Variants in KIF26B observed in about 807,000 individuals in gnomAD.
KIF26B encodes the protein kinesin-like protein KIF26B.
Under a neutral mutation model 151.2 loss-of-function variants are expected in KIF26B, and 63 were observed. That is an observed-to-expected ratio of 0.42 (90% CI 0.34 to 0.51). The LOEUF (loss-of-function observed/expected upper bound fraction) is 0.51, where lower values mean the gene tolerates loss of function less well. KIF26B is among the 20% of genes least tolerant of loss of function. The probability of loss-of-function intolerance (pLI) is 0.07; values close to 1 mark genes in which losing one functional copy is unlikely to be tolerated. For missense variants in KIF26B, 2,813 were observed against 2,913.6 expected (o/e 0.97, Z 0.79); for synonymous variants, 1,357 against 1,262.1 (o/e 1.08, Z -1.59).
Position 245,540,525 on chromosome 1 carries a change from C to A in KIF26B, c.1167-242C>A, listed in dbSNP as rs113641701. ...GGATAACACATCATTCTTTGTAAAT[C>A]GTGATTGCAGAATCCTGCTATTTTA... On this transcript the variant is annotated intron_variant, in intron 4 of 14. Coordinates refer to ENST00000407071, the MANE Select transcript of KIF26B (RefSeq NM_018012.4). The surrounding 1 kb of genome is among the most constrained non-coding windows in gnomAD (Gnocchi z 4.6). The A allele has an allele frequency of 1.6e-3, 1,112 of 687,908 alleles. 4 individuals carry two copies. Among genetic ancestry groups the A allele is most frequent in the Non-Finnish European group, 1.5e-3 (546 of 375,820 alleles). 42.6% of individuals were successfully genotyped at this position (687,908 alleles called of 1,614,324 possible).
At chr1:245,524,182 G>A (rs1661188503) in intron 4 of KIF26B, among the ~76,000 whole-genome samples, 2 of 152,176 alleles carry the variant, frequency 1.3e-5, no homozygotes, top group Admixed American at 6.5e-5. Context: ...GATCACAAAG[G>A]AGTAAAAGAT....
At chr1:245,629,201 C>T (rs1018806700) in intron 9 of KIF26B, among the ~76,000 whole-genome samples, 2 of 152,026 alleles carry the variant, frequency 1.3e-5, no homozygotes, top group Non-Finnish European at 2.9e-5. Flanking sequence ...AGTGCTATTC[C>T]CATCAAACTA....
intron 2 of KIF26B, among the ~76,000 whole-genome samples, chr1:245,252,457 G>A (rs185852352): frequency 3.9e-5 from 6 of 152,142 alleles, no homozygotes; most frequent in African/African-American, 1.4e-4. Context: ...ATTTGTTACT[G>A]TGAATGGATT....
At chr1:245,427,264 G>A (rs1312651774) in intron 4 of KIF26B, among the ~76,000 whole-genome samples, 1 of 152,146 alleles carries the variant, frequency 6.6e-6, no homozygotes, top group Non-Finnish European at 1.5e-5. Context: ...TCACAACTTG[G>A]AACAGTTAAT....
At chr1:245,249,527 G>A (rs990716485) in intron 2 of KIF26B, among the ~76,000 whole-genome samples, 11 of 123,184 alleles carry the variant, frequency 8.9e-5, no homozygotes, top group African/African-American at 2.2e-4. Context: ...TCACCTTGTC[G>A]CCTAGGCCGG....
At chr1:245,247,538 AGAAGAG>A (rs1199159333) in intron 2 of KIF26B, among the ~76,000 whole-genome samples, 1 of 152,242 alleles carries the variant, frequency 6.6e-6, no homozygotes, top group Non-Finnish European at 1.5e-5. Flanking sequence ...GCTAACGAAG[AGAAGAG>A]GCTGACATTC....
chr1:245,222,161 G>A (rs561676986), intron 2 of KIF26B, among the ~76,000 whole-genome samples: 66 of 152,184 alleles, frequency 4.3e-4, no homozygotes, highest in Admixed American at 9.2e-4. Context: ...GGTCTGGGCC[G>A]GGCCTGGTGG....
At chr1:245,469,583 A>G (rs1037136964) in intron 4 of KIF26B, among the ~76,000 whole-genome samples, 16 of 152,178 alleles carry the variant, frequency 1.1e-4, no homozygotes, top group African/African-American at 3.4e-4. Context: ...GGACGAAACC[A>G]TGCTTTCTGT....
rs1271723550 is a variant in KIF26B, at chr1:245,688,231, G to T, written c.5248G>T (p.Ala1750Ser). The T allele has an allele frequency of 6.3e-7, 1 of 1,588,138 alleles. No individual in the cohort carries two copies. The highest frequency in any genetic ancestry group is 1.3e-5 in the African/African-American group (1 of 74,620). ...CAGCCCCAGAGCGCGCGGCCCGTCC[G>T]CCTCCACCACCAAAACCCTCAGCTT... is the stretch of plus-strand genomic sequence containing the variant. Reference protein sequence around the residue: ...LASPRARGPSASTTKTLSFST... With the variant: ...LASPRARGPSSSTTKTLSFST... The change falls in exon 12 of 15, where the codon GCC becomes TCC. Residue 1750 changes from alanine to serine, a missense_variant. This residue lies in a region of KIF26B where 2,060 missense variants were observed against 2,088.6 expected (regional missense o/e 0.99). Coordinates refer to ENST00000407071, the MANE Select transcript of KIF26B (RefSeq NM_018012.4).
At chr1:245,157,167 A>G (rs1027502213) in intron 2 of KIF26B, among the ~76,000 whole-genome samples, 1 of 152,242 alleles carries the variant, frequency 6.6e-6, no homozygotes, top group Admixed American at 6.5e-5. Flanking sequence ...CTCGAAAGCC[A>G]GCATTTTCCC....
At chr1:245,447,700 A>C (rs554380594) in intron 4 of KIF26B, among the ~76,000 whole-genome samples, 1 of 152,248 alleles carries the variant, frequency 6.6e-6, no homozygotes, top group African/African-American at 2.4e-5. Flanking sequence ...TCCGTTTACT[A>C]TTGTCCCAAC....
rs921091229 is a variant in KIF26B, at chr1:245,367,855, G to A, written c.999+488G>A. 1.4e-4 allele frequency among the ~76,000 whole-genome samples: 21 copies of A among 152,228 alleles called. No individual in the cohort carries two copies. Among genetic ancestry groups the A allele is most frequent in the African/African-American group, 5.1e-4 (21 of 41,458 alleles). The stretch of plus-strand genomic sequence containing the variant: ...AGTCACGAGAATTAAATAAGGTAGT[G>A]TTTGCATGACATGTAGGCCAACACC... On this transcript the variant is annotated intron_variant, in intron 3 of 14. Transcript: ENST00000407071. This position sits in a 1 kb window ranked among gnomAD's most constrained non-coding sequence, Gnocchi z 4.2.
intron 2 of KIF26B, among the ~76,000 whole-genome samples, chr1:245,168,910 C>A (rs1457298722): frequency 6.6e-6 from 1 of 152,164 alleles, no homozygotes; most frequent in African/African-American, 2.4e-5. Context: ...AATCATTTAG[C>A]CAAGGTTGCC....
Position 245,686,261 on chromosome 1 carries a change from C to T in KIF26B, c.3278C>T (p.Thr1093Ile). 1.2e-6 allele frequency: 2 copies of T among 1,612,884 alleles called. No individual in the cohort carries two copies. The highest frequency in any genetic ancestry group is 8.5e-7 in the Non-Finnish European group (1 of 1,179,884). ...CCTTCCCAGAGATGCAAAGTCTACA[C>T]CCAGAAGGGGGTCCTGCCGTCTCCC... is the stretch of plus-strand genomic sequence containing the variant. ...SSPSQRCKVY[T>I]QKGVLPSPAP... The change falls in exon 12 of 15, where the codon ACC becomes ATC. Residue 1093 changes from threonine (T) to isoleucine (I), a missense_variant. Around this residue, in one of 3 missense-constraint regions of KIF26B, gnomAD observed 2,060 missense variants for 2,088.6 expected, o/e 0.99. Transcript: ENST00000407071. The surrounding 1 kb of genome is among the most constrained non-coding windows in gnomAD (Gnocchi z 5.6).
intron 5 of KIF26B, among the ~76,000 whole-genome samples, chr1:245,556,390 C>CCTCCTTCTT (rs1558213215): frequency 2.9e-5 from 4 of 138,794 alleles, no homozygotes; most frequent in African/African-American, 9.0e-5. Context: ...TCTTCTTCTT[C>CCTCCTTCTT]CTTCTTTCTT....
At position 245,232,876 on chromosome 1, in the gene KIF26B, G is replaced by A. The variant is rs60392501; in HGVS notation, c.465+76193G>A. Among the ~76,000 whole-genome samples, 470 of 152,260 alleles carry A rather than the reference G, an allele frequency of 3.1e-3. 2 individuals carry two copies. The highest frequency in any genetic ancestry group is 0.011 in the African/African-American group (456 of 41,552). On this transcript the variant is annotated intron_variant, in intron 2 of 14. Coordinates refer to ENST00000407071, the MANE Select transcript of KIF26B (RefSeq NM_018012.4). ...TTTCCTTCCTTTCCTCCAAAGTCACGTTGCACATCAATATGTGATTTGGCA... is the reference window on the plus strand; with the variant it reads ...TTTCCTTCCTTTCCTCCAAAGTCACATTGCACATCAATATGTGATTTGGCA...
chr1:245,248,809 A>C (rs1464730350), intron 2 of KIF26B, among the ~76,000 whole-genome samples: 3 of 152,230 alleles, frequency 2.0e-5, no homozygotes, highest in African/African-American at 7.2e-5. Flanking sequence ...AATAGCCAGA[A>C]AATGATGGAT....
At position 245,367,345 on chromosome 1, in the gene KIF26B, G is replaced by T; in HGVS notation, c.977G>T (p.Gly326Val). Residue 326 changes from glycine (G) to valine (V), a missense_variant, in exon 3 of 15, where the codon GGG (glycine) becomes GTG (valine). Around this residue, in one of 3 missense-constraint regions of KIF26B, gnomAD observed 676 missense variants for 688.1 expected, o/e 0.98. Coordinates refer to ENST00000407071, the MANE Select transcript of KIF26B (RefSeq NM_018012.4). This position sits in a 1 kb window ranked among gnomAD's most constrained non-coding sequence, Gnocchi z 4.2. ...DGTWSLSRTNGVTLYPYQISQ... is the reference protein window; with the variant it reads ...DGTWSLSRTNVVTLYPYQISQ... ...ACCTGGTCCCTGTCGAGAACCAACG[G>T]GGTCACCCTGTACCCATACCAGGTA... 1 of 1,592,346 alleles carries T rather than the reference G, an allele frequency of 6.3e-7. No individual in the cohort carries two copies. Among genetic ancestry groups the T allele is most frequent in the East Asian group, 2.3e-5 (1 of 43,724 alleles).
chr1:245,233,405 C>T (rs1482484912), intron 2 of KIF26B, among the ~76,000 whole-genome samples: 3 of 152,180 alleles, frequency 2.0e-5, no homozygotes, highest in Non-Finnish European at 2.9e-5. Flanking sequence ...TGTCCTCATC[C>T]TTAGTACCTT....
Sources: gnomAD v4.1 joint callset for allele counts (sites outside exome capture counted in the v4.1 genomes callset) on GRCh38, gnomAD v4.1.1 for gene constraint, gnomAD v4.1.1 regional missense constraint, Gnocchi (gnomAD v3.1) non-coding constraint, MANE v1.5 for transcripts, NCBI Gene and HGNC (gene_info 2026-07-23, HGNC 2026-07-21) for gene names.